The following HCN1 variants were observed in gnomAD, a reference collection of about 807,000 sequenced individuals.
The protein encoded by HCN1 is potassium/sodium hyperpolarization-activated cyclic nucleotide-gated channel 1.
A neutral mutation model predicts 78.9 loss-of-function variants in HCN1; 13 were observed. That is an observed-to-expected ratio of 0.16 (90% CI 0.11 to 0.26). HCN1 has a LOEUF of 0.26. Ranked by LOEUF, HCN1 falls within the 10% of genes least tolerant of loss-of-function variation. HCN1 has a pLI of 1.00. For synonymous variants in HCN1, 552 were observed against 455.5 expected, an observed-to-expected ratio of 1.21 and a Z score of -2.70; for missense variants, 810 against 1,154.3, an observed-to-expected ratio of 0.70 and a Z score of 4.32.
intron 4 of HCN1, among the ~76,000 whole-genome samples, chr5:45,372,073 T>G (rs1407631007): frequency 2.7e-5 from 1 of 36,984 alleles, no homozygotes; most frequent in African/African-American, 3.0e-4. Context: ...TATTATATAT[T>G]ATATATAATA....
intron 2 of HCN1, among the ~76,000 whole-genome samples, chr5:45,538,752 A>AAC (rs1465701998): frequency 6.6e-6 from 1 of 152,130 alleles, no homozygotes; most frequent in African/African-American, 2.4e-5. Flanking sequence ...ACCAATAGAA[A>AAC]ACACACACAC....
At chr5:45,690,445 T>TACTTCTATATATATTCTTC (rs1739887534) in intron 1 of HCN1, among the ~76,000 whole-genome samples, 1 of 152,096 alleles carries the variant, frequency 6.6e-6, no homozygotes, top group African/African-American at 2.4e-5. Flanking sequence ...ATATATTCTT[T>TACTTCTATATATATTCTTC]ACTTCTATAT....
rs1256726313 is a variant in HCN1, at chr5:45,282,619, C to T, written c.1619-15366G>A. Among the ~76,000 whole-genome samples, 6 of 152,238 alleles carry T rather than the reference C, an allele frequency of 3.9e-5. No homozygotes were observed. The East Asian group carries it at 5.8e-4, about 15-fold the overall frequency. On this transcript the variant is annotated intron_variant, in intron 6 of 7. Transcript: ENST00000303230. ...TTTCAAAACCATCCATAATCTGGTC[C>T]GATTTCATGTTTCCAACTAGTACTG... is the stretch of plus-strand genomic sequence containing the variant.
chr5:45,514,335 T>G (rs1000041570), intron 2 of HCN1, among the ~76,000 whole-genome samples: 1 of 152,144 alleles, frequency 6.6e-6, no homozygotes. Context: ...TCATCCCTTA[T>G]GTGAATCATG....
chr5:45,682,438 A>G (rs909059108), intron 1 of HCN1, among the ~76,000 whole-genome samples: 2 of 151,776 alleles, frequency 1.3e-5, no homozygotes, highest in African/African-American at 2.4e-5. Context: ...TGCAGATTAA[A>G]TGTCCACACT....
rs1164657885 is a variant in HCN1 at position 45,549,255 on chromosome 5, G to T, written c.850-87248C>A. ...TACCTGACTTCAAACTATACTACAA[G>T]GCTACAGTAACCAAAACAGCATGGT... On this transcript the variant is annotated intron_variant, in intron 2 of 7. Coordinates refer to ENST00000303230, the MANE Select transcript of HCN1 (RefSeq NM_021072.4). Among the ~76,000 whole-genome samples, 7 of 152,046 alleles carry T rather than the reference G, an allele frequency of 4.6e-5. 1 individual carries two copies. In the South Asian group the frequency reaches 6.2e-4, roughly 13 times the overall value.
At chr5:45,616,873 A>G (rs945943041) in intron 2 of HCN1, among the ~76,000 whole-genome samples, 38 of 151,974 alleles carry the variant, frequency 2.5e-4, no homozygotes, top group African/African-American at 9.2e-4. Flanking sequence ...TCCAAACACA[A>G]TCAAAAACCT....
chr5:45,336,171 G>A (rs879047665), intron 5 of HCN1, among the ~76,000 whole-genome samples: 1 of 152,144 alleles, frequency 6.6e-6, no homozygotes, highest in Admixed American at 6.6e-5. Flanking sequence ...CAGCAACTGA[G>A]AGGGAGGGGA....
At chr5:45,485,562 A>G (rs1741739673) in intron 2 of HCN1, among the ~76,000 whole-genome samples, 1 of 152,232 alleles carries the variant, frequency 6.6e-6, no homozygotes, top group African/African-American at 2.4e-5. Context: ...ACTTACGCAG[A>G]AGGGAAATAC....
intron 5 of HCN1, among the ~76,000 whole-genome samples, chr5:45,317,829 G>A (rs890100589): frequency 6.6e-6 from 1 of 152,092 alleles, no homozygotes; most frequent in Non-Finnish European, 1.5e-5. Flanking sequence ...CATCATCACT[G>A]GCCATCAGAG....
In HCN1 at chr5:45,281,627, T is replaced by C. The variant is rs182871923; in HGVS notation, c.1619-14374A>G. On this transcript the variant is annotated intron_variant, in intron 6 of 7. Transcript: ENST00000303230. ...TTTTTGAGACGGAGTCTCACTCTGT[T>C]GCCGGGCTGGAGTGCAGTGGCATGA... is the stretch of plus-strand genomic sequence containing the variant. Among the ~76,000 whole-genome samples the C allele has an allele frequency of 8.4e-3, 1,217 of 145,274 alleles. 19 individuals carry two copies. Among genetic ancestry groups the C allele is most frequent in the African/African-American group, 0.029 (1,127 of 39,234 alleles).
At chr5:45,682,272 C>CATATAT (rs548796805) in intron 1 of HCN1, among the ~76,000 whole-genome samples, 1 of 109,822 alleles carries the variant, frequency 9.1e-6, no homozygotes, top group African/African-American at 4.2e-5. Flanking sequence ...TATATATATA[C>CATATAT]ATATATATAT....
intron 5 of HCN1, among the ~76,000 whole-genome samples, chr5:45,315,505 C>T (rs1561102265): frequency 6.6e-6 from 1 of 152,030 alleles, no homozygotes; most frequent in Non-Finnish European, 1.5e-5. Context: ...ATTAAAAGAA[C>T]TAGAAAAGCA....
chr5:45,445,298 G>A lies in HCN1; in HGVS notation c.1011+16548C>T, dbSNP rs574385945. ...TCACTGATTGCTAGCACAGCAGTAT[G>A]AGATCAAACTGCAAGGCGGCAGTGA... On this transcript the variant is annotated intron_variant, in intron 3 of 7. Coordinates refer to ENST00000303230, the MANE Select transcript of HCN1 (RefSeq NM_021072.4). 2.9e-3 allele frequency among the ~76,000 whole-genome samples: 444 copies of A among 152,284 alleles called. 1 individual carries two copies. Among genetic ancestry groups the A allele is most frequent in the Non-Finnish European group, 4.8e-3 (325 of 68,010 alleles).
intron 2 of HCN1, among the ~76,000 whole-genome samples, chr5:45,527,570 T>C (rs903943671): frequency 1.3e-5 from 2 of 151,510 alleles, no homozygotes; most frequent in Non-Finnish European, 2.9e-5. Context: ...TCTCTCTCTC[T>C]GTCTCTCTCC....
intron 2 of HCN1, among the ~76,000 whole-genome samples, chr5:45,606,604 T>C (rs1046527496): frequency 6.6e-6 from 1 of 151,882 alleles, no homozygotes; most frequent in Non-Finnish European, 1.5e-5. Context: ...CTCCAGCACA[T>C]AAACCGGATT....
chr5:45,426,879 A>G (rs1016786073), intron 3 of HCN1, among the ~76,000 whole-genome samples: 4 of 152,200 alleles, frequency 2.6e-5, no homozygotes, highest in African/African-American at 9.6e-5. Flanking sequence ...AGACAAAAGT[A>G]ATTATGTAAT....
intron 2 of HCN1, among the ~76,000 whole-genome samples, chr5:45,504,139 T>A (rs969765346): frequency 1.3e-5 from 2 of 152,108 alleles, no homozygotes; most frequent in Middle Eastern, 3.2e-3. Flanking sequence ...CTAGGGTACA[T>A]GTGCACAATG....
chr5:45,607,609 C>G (rs1187160612), intron 2 of HCN1, among the ~76,000 whole-genome samples: 3 of 145,646 alleles, frequency 2.1e-5, no homozygotes, highest in African/African-American at 7.4e-5. Context: ...ATAGATAGAT[C>G]CAGATATATC....
Sources: allele counts gnomAD v4.1 joint callset (sites outside exome capture counted in the v4.1 genomes callset), GRCh38; gene constraint gnomAD v4.1.1; transcripts MANE v1.5; gene names NCBI Gene and HGNC (gene_info 2026-07-23, HGNC 2026-07-21).